MTUS2: variants seen among roughly 807,000 people sequenced by gnomAD.
MTUS2 encodes the protein microtubule-associated tumor suppressor candidate 2.
Under a neutral mutation model 114.1 loss-of-function variants are expected in MTUS2, and 40 were observed. The ratio of observed to expected loss-of-function variants is 0.35; its 90% confidence interval spans 0.27 to 0.46. MTUS2 has a LOEUF of 0.46. MTUS2 is among the 20% of genes least tolerant of loss of function. MTUS2 has a pLI of 1.00. For synonymous variants in MTUS2, 688 were observed against 672.0 expected (o/e 1.02, Z -0.37); for missense variants, 1,679 against 1,705.4 (o/e 0.98, Z 0.27).
chr13:29,279,240 C>T (rs1241411855), intron 5 of MTUS2, among the ~76,000 whole-genome samples: 1 of 152,160 alleles, frequency 6.6e-6, no homozygotes, highest in Non-Finnish European at 1.5e-5. Flanking sequence ...AGCCATCTTG[C>T]TCCCAGATCT....
chr13:29,044,960 G>A (rs956956565), intron 4 of MTUS2, among the ~76,000 whole-genome samples: 2 of 152,192 alleles, frequency 1.3e-5, no homozygotes, highest in South Asian at 4.2e-4. Flanking sequence ...CAGCTCATAG[G>A]GCCACCCACA....
intron 4 of MTUS2, among the ~76,000 whole-genome samples, chr13:29,088,961 G>C (rs1006248269): frequency 2.6e-5 from 4 of 152,122 alleles, no homozygotes; most frequent in Non-Finnish European, 5.9e-5. Flanking sequence ...TTACATTTAA[G>C]GTCAATATTG....
chr13:29,153,337 C>A (rs141795500), intron 5 of MTUS2, among the ~76,000 whole-genome samples: 179 of 152,218 alleles, frequency 1.2e-3, no homozygotes, highest in African/African-American at 4.2e-3. Flanking sequence ...AACTAACCAC[C>A]CACAAATCCA....
intron 2 of MTUS2, among the ~76,000 whole-genome samples, chr13:28,926,035 A>G (rs1021493815): frequency 3.9e-5 from 6 of 152,318 alleles, no homozygotes; most frequent in East Asian, 1.9e-4. Context: ...GTTTGAATGA[A>G]CAGTGCTTTG....
At chr13:29,023,201 A>T (rs559271658) in intron 2 of MTUS2, among the ~76,000 whole-genome samples, 1 of 152,172 alleles carries the variant, frequency 6.6e-6, no homozygotes, top group African/African-American at 2.4e-5. Flanking sequence ...GCAGAGAGTA[A>T]TGAACATGGT....
intron 2 of MTUS2, among the ~76,000 whole-genome samples, chr13:28,860,199 T>A (rs1214655254): frequency 6.6e-6 from 1 of 152,186 alleles, no homozygotes; most frequent in Non-Finnish European, 1.5e-5. Context: ...CAAATACTGT[T>A]GTTTCTTTTT....
intron 7 of MTUS2, among the ~76,000 whole-genome samples, chr13:29,348,976 C>G (rs1868988827): frequency 6.6e-6 from 1 of 152,058 alleles, no homozygotes; most frequent in Non-Finnish European, 1.5e-5. Flanking sequence ...GTAATTAGAT[C>G]TTACATTTTT....
chr13:29,201,249 T>C (rs1473641663), intron 5 of MTUS2, among the ~76,000 whole-genome samples: 1 of 152,196 alleles, frequency 6.6e-6, no homozygotes. Flanking sequence ...CATTGATCCC[T>C]TTATCACTAT....
Position 29,383,244 on chromosome 13 carries a change from G to GTATATATATATATATATATATT in MTUS2, c.3117+23772_3117+23773insATATATATATATATATATATTT, listed in dbSNP as rs1295576309. Among the ~76,000 whole-genome samples, 44 of 53,540 alleles carry GTATATATATATATATATATATT rather than the reference G, an allele frequency of 8.2e-4. No individual in the cohort carries two copies. The East Asian group carries it at 0.023, about 28-fold the overall frequency. 35.1% of individuals were successfully genotyped at this position (53,540 alleles called of 152,430 possible). The stretch of plus-strand genomic sequence containing the variant: ...TGTGTGTGTGTGTGTGTGTGTGTGT[G>GTATATATATATATATATATATT]TGTGTGTGTATTTATTTTTCTCATG... On this transcript the variant is annotated intron_variant, in intron 8 of 15. Coordinates refer to ENST00000612955, the MANE Select transcript of MTUS2 (RefSeq NM_001033602.4).
intron 8 of MTUS2, among the ~76,000 whole-genome samples, chr13:29,404,394 G>C (rs1242425079): frequency 6.6e-6 from 1 of 152,080 alleles, no homozygotes; most frequent in Non-Finnish European, 1.5e-5. Context: ...GGTGGCGGGT[G>C]CCTGTAATCC....
chr13:29,020,022 G>A lies in MTUS2; in HGVS notation c.-242-4435G>A, dbSNP rs141847177. Among the ~76,000 whole-genome samples, 31 of 152,308 alleles carry A rather than the reference G, an allele frequency of 2.0e-4. No individual in the cohort carries two copies. In the East Asian group the frequency reaches 5.6e-3, roughly 27 times the overall value. On this transcript the variant is annotated intron_variant, in intron 2 of 15. Transcript: ENST00000612955. Reference sequence around the variant, plus strand: ...GAATTGCATCATTCTGCTGTAGAGAGGCAGAGCTTGCCAACAGAGACCCTG... The same window carrying A: ...GAATTGCATCATTCTGCTGTAGAGAAGCAGAGCTTGCCAACAGAGACCCTG...
At chr13:28,850,438 C>G (rs1376807876) in intron 2 of MTUS2, among the ~76,000 whole-genome samples, 1 of 152,184 alleles carries the variant, frequency 6.6e-6, no homozygotes, top group East Asian at 1.9e-4. Context: ...CAGCGACAGC[C>G]CTGCTGGGCT....
intron 3 of MTUS2, among the ~76,000 whole-genome samples, chr13:29,031,123 C>T (rs1290072162): frequency 5.3e-5 from 8 of 151,930 alleles, no homozygotes; most frequent in Non-Finnish European, 1.0e-4. Flanking sequence ...AGGCGATGTG[C>T]GTGCAGTGTA....
intron 8 of MTUS2, among the ~76,000 whole-genome samples, chr13:29,373,860 C>T (rs1316124883): frequency 6.6e-6 from 1 of 152,222 alleles, no homozygotes; most frequent in African/African-American, 2.4e-5. Flanking sequence ...AGGAAATCCT[C>T]AGCTTATATG....
At chr13:29,373,885 A>G (rs1400251268) in intron 8 of MTUS2, among the ~76,000 whole-genome samples, 1 of 152,246 alleles carries the variant, frequency 6.6e-6, no homozygotes, top group Non-Finnish European at 1.5e-5. Flanking sequence ...AAGCTAATCA[A>G]CAAACAGTAA....
chr13:28,892,911 A>G (rs1879018782), intron 2 of MTUS2, among the ~76,000 whole-genome samples: 1 of 152,208 alleles, frequency 6.6e-6, no homozygotes, highest in South Asian at 2.1e-4. Context: ...AGAGAAGACC[A>G]AAGAAGTCTT....
At chr13:28,848,806 G>A (rs1876057919) in intron 2 of MTUS2, among the ~76,000 whole-genome samples, 1 of 152,076 alleles carries the variant, frequency 6.6e-6, no homozygotes, top group South Asian at 2.1e-4. Context: ...TGGACATTTG[G>A]CAATGTCTGG....
intron 9 of MTUS2, among the ~76,000 whole-genome samples, chr13:29,447,051 T>C (rs1878335430): frequency 6.6e-6 from 1 of 152,180 alleles, no homozygotes; most frequent in African/African-American, 2.4e-5. Flanking sequence ...GCTGATTGGA[T>C]ACTTTCGGAT....
chr13:29,460,526 G>A (rs1879408525), intron 9 of MTUS2, among the ~76,000 whole-genome samples: 1 of 152,158 alleles, frequency 6.6e-6, no homozygotes, highest in South Asian at 2.1e-4. Context: ...CTTCCCATCA[G>A]AGCTTCACTG....
Sources: allele counts gnomAD v4.1 joint callset (sites outside exome capture counted in the v4.1 genomes callset), GRCh38; gene constraint gnomAD v4.1.1; transcripts MANE v1.5; gene names NCBI Gene and HGNC (gene_info 2026-07-23, HGNC 2026-07-21).